ZNF322: variants seen among roughly 807,000 people sequenced by gnomAD.
ZNF322 encodes the protein HLA complex group 12.
Under a neutral mutation model 18.3 loss-of-function variants are expected in ZNF322, and 1 was observed. The ratio of observed to expected loss-of-function variants is 0.05; its 90% CI spans 0.02 to 0.26. ZNF322 has a LOEUF of 0.26. Among genes scored for constraint, ZNF322 ranks in the 10% least tolerant of loss-of-function variants. The pLI is 1.00. For missense variants in ZNF322, 36 were observed against 403.6 expected (o/e 0.09, Z 7.80); for synonymous variants, 17 against 130.7 (o/e 0.13, Z 5.93).
At chr6:26,649,675 G>GTGTGTATATATATA (rs1465971500) in intron 2 of ZNF322, among the ~76,000 whole-genome samples, 4 of 22,950 alleles carry the variant, frequency 1.7e-4, no homozygotes, top group East Asian at 2.7e-3. Context: ...GTGTGTGTGT[G>GTGTGTATATATATA]TATATATATA....
Position 26,654,439 on chromosome 6 carries a change from CG to C in ZNF322, c.-246+4118del, listed in dbSNP as rs139262144. ...CTCTTTGGAGAAATGGCTGTTTCCA[CG>C]GTTTGGAAAGTATAAGATAAGCCTG... On this transcript the variant is annotated intron_variant, in intron 2 of 3. Transcript: ENST00000415922. Among the ~76,000 whole-genome samples, 509 of 151,998 alleles carry C rather than the reference CG, an allele frequency of 3.3e-3. 17 individuals are homozygous for C. The East Asian group carries it at 0.064, about 19-fold the overall frequency.
chr6:26,655,846 C>G (rs1455244437), intron 2 of ZNF322, among the ~76,000 whole-genome samples: 1 of 152,168 alleles, frequency 6.6e-6, no homozygotes, highest in Non-Finnish European at 1.5e-5. Context: ...AATGACACAG[C>G]AAGAAGGCTC....
At chr6:26,648,231 T>C (rs189043228) in intron 2 of ZNF322, among the ~76,000 whole-genome samples, 110 of 152,330 alleles carry the variant, frequency 7.2e-4, no homozygotes, top group Non-Finnish European at 1.5e-3. Context: ...ATTATCTCCA[T>C]AGATAGTGAA....
intron 2 of ZNF322, among the ~76,000 whole-genome samples, chr6:26,647,505 C>T (rs187721904): frequency 1.3e-5 from 2 of 151,252 alleles, no homozygotes; most frequent in African/African-American, 4.8e-5. Flanking sequence ...AAAAGAAAAA[C>T]ACACATACAT....
chr6:26,639,258 T>TAG (rs1349303110), intron 3 of ZNF322, among the ~76,000 whole-genome samples: 2 of 152,210 alleles, frequency 1.3e-5, no homozygotes, highest in African/African-American at 4.8e-5. Context: ...GAAACTACCT[T>TAG]ACACGGTTCT....
intron 2 of ZNF322, among the ~76,000 whole-genome samples, chr6:26,650,912 T>C (rs1350850369): frequency 3.3e-5 from 5 of 152,220 alleles, no homozygotes; most frequent in Admixed American, 2.6e-4. Flanking sequence ...CTTGTGAATA[T>C]TGACATACTG....
intron 1 of ZNF322, among the ~76,000 whole-genome samples, 196 bp downstream of exon 1, chr6:26,659,245 C>T (rs922423983): frequency 1.3e-5 from 2 of 152,230 alleles, no homozygotes; most frequent in South Asian, 4.1e-4. Context: ...TGTTTACTAT[C>T]TCTAGGAACT....
intron 2 of ZNF322, among the ~76,000 whole-genome samples, chr6:26,649,079 T>C (rs1765605941): frequency 6.6e-6 from 1 of 152,224 alleles, no homozygotes; most frequent in South Asian, 2.1e-4. Context: ...CTAAATACAA[T>C]ACTTTCTGGC....
chr6:26,656,485 A>G (rs1458445719), intron 2 of ZNF322, among the ~76,000 whole-genome samples: 1 of 152,178 alleles, frequency 6.6e-6, no homozygotes, highest in Non-Finnish European at 1.5e-5. Flanking sequence ...GCCTTGTTCA[A>G]AACCCACTTG....
At chr6:26,653,153 T>G (rs1440772919) in intron 2 of ZNF322, among the ~76,000 whole-genome samples, 3 of 152,078 alleles carry the variant, frequency 2.0e-5, no homozygotes, top group Non-Finnish European at 4.4e-5. Context: ...AAAGAAATAA[T>G]TTTTTAAAAG....
intron 2 of ZNF322, among the ~76,000 whole-genome samples, chr6:26,644,443 C>T (rs1765519860): frequency 6.6e-6 from 1 of 152,174 alleles, no homozygotes. Context: ...TAGCTTATAG[C>T]TGCTAGTATT....
At chr6:26,640,876 G>A (rs1301549359) in intron 3 of ZNF322, among the ~76,000 whole-genome samples, 1 of 152,102 alleles carries the variant, frequency 6.6e-6, no homozygotes, top group Non-Finnish European at 1.5e-5. Flanking sequence ...TATCAAAAAG[G>A]TCCAGAATCC....
intron 3 of ZNF322, among the ~76,000 whole-genome samples, chr6:26,643,106 G>A (rs554700644): frequency 6.6e-6 from 1 of 152,312 alleles, no homozygotes; most frequent in East Asian, 1.9e-4. Context: ...CTCTTTGCAT[G>A]TTCTAATCCA....
At chr6:26,649,637 ATGTGTGTGTGTGTGTG>A (rs58521273) in intron 2 of ZNF322, among the ~76,000 whole-genome samples, 5 of 67,606 alleles carry the variant, frequency 7.4e-5, no homozygotes, top group African/African-American at 1.1e-4. Flanking sequence ...ATACATACAT[ATGTGTGTGTGTGTGTG>A]TGTGTGTGTG....
intron 2 of ZNF322, among the ~76,000 whole-genome samples, chr6:26,658,226 T>C (rs1765816394): frequency 6.6e-6 from 1 of 152,006 alleles, no homozygotes; most frequent in South Asian, 2.1e-4. Flanking sequence ...AACTTACAAA[T>C]AGTAAGCAGC....
At chr6:26,643,627 T>TACTTCAAAATACTGAAGTA (rs1765503914) in intron 3 of ZNF322, 32 bp downstream of exon 3, 1 of 157,158 alleles carries the variant, frequency 6.4e-6, no homozygotes, top group Non-Finnish European at 1.5e-5. Context: ...AGAGAAGGGA[T>TACTTCAAAATACTGAAGTA]ACTTCAAAAT....
intron 2 of ZNF322, among the ~76,000 whole-genome samples, chr6:26,657,323 A>C (rs1425759733): frequency 1.3e-5 from 2 of 151,948 alleles, no homozygotes; most frequent in African/African-American, 4.8e-5. Flanking sequence ...ATAAAATCCA[A>C]AGTTTTTACT....
Position 26,643,650 on chromosome 6 carries a change from G to A in ZNF322, c.-176+9C>T, listed in dbSNP as rs1420634043. On this transcript the variant is annotated intron_variant, in intron 3 of 3. Coordinates refer to ENST00000415922, the MANE Select transcript of ZNF322 (RefSeq NM_024639.5). ...GATACTTCAAAATACTGAAGTAACT[G>A]CAGCTTACCTAGAATCCAGATGGAA... is the stretch of plus-strand genomic sequence containing the variant. The A allele has an allele frequency of 6.3e-6, 1 of 159,622 alleles. No homozygotes were observed. Among genetic ancestry groups the A allele is most frequent in the East Asian group, 1.9e-4 (1 of 5,200 alleles). The allele number at this position is 159,622 out of a possible 1,614,324, so 9.9% of individuals were successfully genotyped here.
intron 2 of ZNF322, among the ~76,000 whole-genome samples, chr6:26,657,695 A>C (rs1432013380): frequency 6.6e-6 from 1 of 152,144 alleles, no homozygotes. Context: ...CATTTGTTGA[A>C]TAAATGAAAA....
Sources: allele counts gnomAD v4.1 joint callset (sites outside exome capture counted in the v4.1 genomes callset), GRCh38; gene constraint gnomAD v4.1.1; transcripts MANE v1.5; gene names NCBI Gene and HGNC (gene_info 2026-07-23, HGNC 2026-07-21).